The following MARCHF11 variants were observed in gnomAD, a reference collection of about 807,000 sequenced individuals.
The protein encoded by MARCHF11 is membrane associated ring-CH-type finger 11, also known as E3 ubiquitin-protein ligase MARCHF11.
MARCHF11 carries 29 observed loss-of-function variants against 37.3 expected under a neutral mutation model. The observed-to-expected ratio is 0.78, with a 90% CI of 0.58 to 1.06. The LOEUF (loss-of-function observed/expected upper bound fraction) is 1.06. MARCHF11 is among the 50% of genes least tolerant of loss of function. The pLI is 0.00. For missense variants in MARCHF11, 482 were observed against 533.4 expected, an observed-to-expected ratio of 0.90 and a Z score of 0.95; for synonymous variants, 233 against 228.0, an observed-to-expected ratio of 1.02 and a Z score of -0.20.
chr5:16,156,817 C>A (rs975534001), intron 2 of MARCHF11, among the ~76,000 whole-genome samples: 1 of 151,662 alleles, frequency 6.6e-6, no homozygotes, highest in Non-Finnish European at 1.5e-5. Flanking sequence ...CAAGCCTATA[C>A]AATATATTAC....
intron 2 of MARCHF11, among the ~76,000 whole-genome samples, chr5:16,145,151 G>T (rs1394491749): frequency 6.6e-6 from 1 of 152,130 alleles, no homozygotes; most frequent in Non-Finnish European, 1.5e-5. Context: ...GGAAAGAGGT[G>T]GGAGGGAAGG....
intron 2 of MARCHF11, among the ~76,000 whole-genome samples, chr5:16,155,609 T>C (rs1230655390): frequency 6.6e-6 from 1 of 151,848 alleles, no homozygotes; most frequent in Non-Finnish European, 1.5e-5. Context: ...CCTAAACTGA[T>C]TTAAACTTTT....
intron 2 of MARCHF11, among the ~76,000 whole-genome samples, chr5:16,138,067 A>G (rs1737636974): frequency 6.6e-6 from 1 of 152,230 alleles, no homozygotes; most frequent in Admixed American, 6.5e-5. Context: ...GAGCAATTCA[A>G]GCCAGCTGCA....
chr5:16,158,700 T>C (rs1738023793), intron 2 of MARCHF11, among the ~76,000 whole-genome samples: 1 of 151,998 alleles, frequency 6.6e-6, no homozygotes, highest in Non-Finnish European at 1.5e-5. Context: ...TATTGCATTC[T>C]TTTTTTAAAT....
intron 2 of MARCHF11, among the ~76,000 whole-genome samples, chr5:16,169,169 T>C (rs879841696): frequency 2.0e-5 from 3 of 151,338 alleles, no homozygotes; most frequent in Non-Finnish European, 2.9e-5. Flanking sequence ...ACAAATGGAG[T>C]AAGGAGATGA....
intron 3 of MARCHF11, among the ~76,000 whole-genome samples, chr5:16,083,521 T>C (rs1271395448): frequency 3.9e-5 from 6 of 152,212 alleles, no homozygotes. Flanking sequence ...TGAACCTGTG[T>C]GGCAATGAAC....
chr5:16,069,560 G>A (rs1431087289), intron 3 of MARCHF11, among the ~76,000 whole-genome samples: 1 of 152,162 alleles, frequency 6.6e-6, no homozygotes, highest in African/African-American at 2.4e-5. Flanking sequence ...TGGATTTGGG[G>A]AGTTGGGGAG....
intron 2 of MARCHF11, among the ~76,000 whole-genome samples, chr5:16,150,705 C>G (rs1232600563): frequency 6.6e-6 from 1 of 152,014 alleles, no homozygotes; most frequent in Non-Finnish European, 1.5e-5. Flanking sequence ...TTCCCTATAC[C>G]GAAGGCTTAG....
chr5:16,079,256 C>T (rs1336628400), intron 3 of MARCHF11, among the ~76,000 whole-genome samples: 1 of 152,186 alleles, frequency 6.6e-6, no homozygotes, highest in African/African-American at 2.4e-5. Flanking sequence ...TGTTGACAAC[C>T]TCCAATGCCT....
chr5:16,151,524 A>G (rs959462594), intron 2 of MARCHF11, among the ~76,000 whole-genome samples: 3 of 139,484 alleles, frequency 2.2e-5, no homozygotes, highest in Non-Finnish European at 4.6e-5. Context: ...CACATCCCAC[A>G]CTTTCAGGCT....
At chr5:16,114,856 T>C (rs1737204236) in intron 2 of MARCHF11, among the ~76,000 whole-genome samples, 1 of 152,124 alleles carries the variant, frequency 6.6e-6, no homozygotes, top group Non-Finnish European at 1.5e-5. Flanking sequence ...TGAAATATAG[T>C]ATAGTTTTTG....
intron 2 of MARCHF11, among the ~76,000 whole-genome samples, chr5:16,134,331 T>C (rs1737572772): frequency 6.6e-6 from 1 of 152,144 alleles, no homozygotes; most frequent in African/African-American, 2.4e-5. Context: ...GGTTCCACCC[T>C]CATGAGTGGA....
At chr5:16,121,444 C>A (rs1004852248) in intron 2 of MARCHF11, among the ~76,000 whole-genome samples, 3 of 152,004 alleles carry the variant, frequency 2.0e-5, no homozygotes, top group African/African-American at 7.3e-5. Context: ...AGTATATACT[C>A]GTTACGTAAA....
At chr5:16,099,204 C>T (rs750428714) in intron 2 of MARCHF11, among the ~76,000 whole-genome samples, 11 of 152,042 alleles carry the variant, frequency 7.2e-5, no homozygotes, top group Non-Finnish European at 1.2e-4. Context: ...CCAAGAAATA[C>T]GACCCACTTA....
intron 3 of MARCHF11, among the ~76,000 whole-genome samples, chr5:16,075,195 A>C (rs77229780): frequency 0.043 from 6,548 of 152,280 alleles, 415 homozygotes; most frequent in African/African-American, 0.14. Flanking sequence ...CTAGGAGACA[A>C]CACAACTCCT....
chr5:16,128,226 A>G (rs1354298481), intron 2 of MARCHF11, among the ~76,000 whole-genome samples: 1 of 152,184 alleles, frequency 6.6e-6, no homozygotes, highest in South Asian at 2.1e-4. Context: ...CCAAACAAGA[A>G]AAGGCAGATA....
intron 3 of MARCHF11, among the ~76,000 whole-genome samples, chr5:16,085,939 C>CAAAAAAAAAAAAAAA (rs56782867): frequency 2.9e-4 from 12 of 40,974 alleles, no homozygotes; most frequent in African/African-American, 3.3e-4. Context: ...GACTCCATCT[C>CAAAAAAAAAAAAAAA]AAAAAAAAAA....
At chr5:16,079,055 G>A (rs1174663023) in intron 3 of MARCHF11, among the ~76,000 whole-genome samples, 2 of 152,162 alleles carry the variant, frequency 1.3e-5, no homozygotes, top group African/African-American at 4.8e-5. Flanking sequence ...CCTCCATGGT[G>A]ATGGATGGTT....
chr5:16,097,051 TGC>T (rs1314727559), intron 2 of MARCHF11, among the ~76,000 whole-genome samples: 2 of 152,180 alleles, frequency 1.3e-5, no homozygotes, highest in Admixed American at 1.3e-4. Context: ...ATTTATACTG[TGC>T]GCTATGACAG....
Sources: gnomAD v4.1 joint callset for allele counts (sites outside exome capture counted in the v4.1 genomes callset) on GRCh38, gnomAD v4.1.1 for gene constraint, MANE v1.5 for transcripts, NCBI Gene and HGNC (gene_info 2026-07-23, HGNC 2026-07-21) for gene names.